Variants in DENND5B observed in about 807,000 individuals in gnomAD.
DENND5B encodes the protein DENN domain-containing protein 5B.
DENND5B carries 34 observed loss-of-function variants against 140.6 expected under a neutral mutation model. The observed-to-expected ratio is 0.24, with a 90% CI of 0.18 to 0.32. DENND5B has a LOEUF of 0.32. Among genes scored for constraint, DENND5B ranks in the 10% least tolerant of loss-of-function variants. The probability of loss-of-function intolerance (pLI) is 1.00; values close to 1 mark genes in which losing one functional copy is unlikely to be tolerated. For synonymous variants in DENND5B, 551 were observed against 562.1 expected (o/e 0.98, Z 0.28); for missense variants, 1,142 against 1,560.2 (o/e 0.73, Z 4.52).
At chr12:31,590,675 G>A in intron 1 of DENND5B, 31 bp downstream of exon 1, 2 of 1,445,358 alleles carry the variant, frequency 1.4e-6, no homozygotes, top group South Asian at 2.7e-5. Context: ...GCCCCTGAGG[G>A]GGCTCAGCGC....
chr12:31,521,635 C>A (rs995919070), intron 1 of DENND5B, among the ~76,000 whole-genome samples: 3 of 152,134 alleles, frequency 2.0e-5, no homozygotes, highest in African/African-American at 7.2e-5. Flanking sequence ...CTTTTCTACT[C>A]CTGTATATCT....
At chr12:31,553,066 G>A (rs1322667157) in intron 1 of DENND5B, among the ~76,000 whole-genome samples, 1 of 152,076 alleles carries the variant, frequency 6.6e-6, no homozygotes, top group African/African-American at 2.4e-5. Flanking sequence ...ATTTCCTCCA[G>A]TTCTGCTCTG....
intron 1 of DENND5B, among the ~76,000 whole-genome samples, chr12:31,556,251 C>G (rs191844894): frequency 2.0e-5 from 3 of 152,200 alleles, no homozygotes; most frequent in Non-Finnish European, 4.4e-5. Context: ...GTCACCCAGA[C>G]TGGAGTGGAG....
chr12:31,445,971 T>C (rs1944257724), intron 6 of DENND5B, among the ~76,000 whole-genome samples: 1 of 150,132 alleles, frequency 6.7e-6, no homozygotes, highest in South Asian at 2.1e-4. Flanking sequence ...ATGGCACCAC[T>C]GCACTCCAGC....
rs111675207 is a variant in DENND5B at position 31,581,273 on chromosome 12, T to C, written c.127+9433A>G. Among the ~76,000 whole-genome samples the C allele has an allele frequency of 8.1e-4, 123 of 152,334 alleles. 1 individual carries two copies. Among genetic ancestry groups the C allele is most frequent in the African/African-American group, 2.6e-3 (110 of 41,584 alleles). On this transcript the variant is annotated intron_variant, in intron 1 of 20. Coordinates refer to ENST00000389082, the MANE Select transcript of DENND5B (RefSeq NM_144973.4). ...ATTTGGGAACTGGCAGTATCATCCATACTACAGTAATAATCTAGAGATTAG... is the reference window on the plus strand; with the variant it reads ...ATTTGGGAACTGGCAGTATCATCCACACTACAGTAATAATCTAGAGATTAG...
At chr12:31,439,690 G>A (rs1256637778) in intron 7 of DENND5B, among the ~76,000 whole-genome samples, 4 of 152,042 alleles carry the variant, frequency 2.6e-5, no homozygotes, top group Non-Finnish European at 2.9e-5. Context: ...AGCACTTTGG[G>A]AGGCCGAGGT....
At chr12:31,405,511 C>CATGT (rs55808642) in intron 14 of DENND5B, among the ~76,000 whole-genome samples, 49,843 of 144,524 alleles carry the variant, frequency 0.34, 9,302 homozygotes, top group Admixed American at 0.42. Context: ...AGCCACCTGC[C>CATGT]ATGTATGTAT....
chr12:31,424,748 A>T lies in DENND5B; in HGVS notation c.2239-61T>A, dbSNP rs1312488705. 5.7e-6 allele frequency: 9 copies of T among 1,574,040 alleles called. No homozygotes were observed. In the South Asian group the frequency reaches 1.1e-4, roughly 18 times the overall value. On this transcript the variant is annotated intron_variant, in intron 9 of 20. Coordinates refer to ENST00000389082, the MANE Select transcript of DENND5B (RefSeq NM_144973.4). ...CAGTGAAACCAAAAACCAACAAGTC[A>T]ATTACTAAAGTAGGAGACTTGGTTT...
chr12:31,464,784 C>T (rs554118069), intron 3 of DENND5B, among the ~76,000 whole-genome samples: 14 of 152,158 alleles, frequency 9.2e-5, no homozygotes, highest in Admixed American at 3.9e-4. Flanking sequence ...TGGTCTTGAA[C>T]TCCTGACCTC....
At chr12:31,438,031 G>C (rs1943856118) in intron 7 of DENND5B, among the ~76,000 whole-genome samples, 1 of 152,116 alleles carries the variant, frequency 6.6e-6, no homozygotes. Flanking sequence ...ACCCAAGCTG[G>C]AGTGCAGTGG....
chr12:31,569,902 T>C (rs1461465839), intron 1 of DENND5B, among the ~76,000 whole-genome samples: 1 of 150,418 alleles, frequency 6.6e-6, no homozygotes, highest in Non-Finnish European at 1.5e-5. Flanking sequence ...TTCTAAAAAA[T>C]TACCAAAAAA....
chr12:31,450,094 A>G (rs1372980254), intron 5 of DENND5B, among the ~76,000 whole-genome samples: 2 of 152,202 alleles, frequency 1.3e-5, no homozygotes, highest in African/African-American at 4.8e-5. Context: ...ACGAAAAAGG[A>G]ACCTAAGGGC....
chr12:31,392,559 A>G (rs1941204679), intron 18 of DENND5B, 55 bp downstream of exon 18: 1 of 1,530,750 alleles, frequency 6.5e-7, no homozygotes, highest in South Asian at 1.2e-5. Flanking sequence ...CGTGTATCAC[A>G]TATAAAAGCA....
Position 31,415,303 on chromosome 12 carries a change from T to C in DENND5B, c.2552+64A>G, listed in dbSNP as rs1942672397. The C allele has an allele frequency of 2.3e-6, 3 of 1,323,496 alleles. No homozygotes were observed. The South Asian group carries it at 4.3e-5, about 19-fold the overall frequency. The allele number at this position is 1,323,496 out of a possible 1,614,324, so 82.0% of individuals were successfully genotyped here. A position where few individuals can be genotyped will look rare whatever the true frequency, so the allele number is the denominator to read the frequency against. On this transcript the variant is annotated intron_variant, in intron 12 of 20. Transcript: ENST00000389082. ...AGCCATAATCATTTGAGCAATTTAG[T>C]TAAAAGCCACAAAATACTTCAAAGT...
At chr12:31,495,760 T>C in intron 2 of DENND5B, 50 bp downstream of exon 2, 1 of 1,339,904 alleles carries the variant, frequency 7.5e-7, no homozygotes, top group Non-Finnish European at 1.0e-6. Flanking sequence ...TTCATATTAA[T>C]AAAGTGAAAA....
intron 15 of DENND5B, among the ~76,000 whole-genome samples, chr12:31,401,191 G>C (rs1390070489): frequency 2.6e-5 from 4 of 152,180 alleles, no homozygotes; most frequent in African/African-American, 9.7e-5. Context: ...CAGTGAGAAG[G>C]CATCACCATG....
At chr12:31,424,479 A>T in intron 10 of DENND5B, 56 bp downstream of exon 10, 5 of 1,500,856 alleles carry the variant, frequency 3.3e-6, no homozygotes, top group Non-Finnish European at 4.4e-6. Context: ...TCCTTGTTAC[A>T]TTTCTTAACA....
intron 4 of DENND5B, among the ~76,000 whole-genome samples, chr12:31,457,325 C>T (rs193094371): frequency 1.8e-3 from 277 of 152,302 alleles, no homozygotes; most frequent in Middle Eastern, 3.4e-3. Flanking sequence ...GGGTATCACT[C>T]TTAAATCATG....
At position 31,389,309 on chromosome 12, in the gene DENND5B, A is replaced by G. The variant is rs761990304; in HGVS notation, c.3641+15T>C. On this transcript the variant is annotated intron_variant, in intron 20 of 20. Coordinates refer to ENST00000389082, the MANE Select transcript of DENND5B (RefSeq NM_144973.4). ...ATGTGACAAAGATAGGGAAAATAAAAAACTGGTTTTGTACCTTGTTCCAAG... is the reference window on the plus strand; with the variant it reads ...ATGTGACAAAGATAGGGAAAATAAAGAACTGGTTTTGTACCTTGTTCCAAG... The G allele has an allele frequency of 5.0e-6, 8 of 1,603,266 alleles. No individual in the cohort carries two copies. The East Asian group carries it at 6.7e-5, about 13-fold the overall frequency.
Sources: gnomAD v4.1 joint callset for allele counts (sites outside exome capture counted in the v4.1 genomes callset) on GRCh38, gnomAD v4.1.1 for gene constraint, MANE v1.5 for transcripts, NCBI Gene and HGNC (gene_info 2026-07-23, HGNC 2026-07-21) for gene names.